SLC9B1: variants seen among roughly 807,000 people sequenced by gnomAD.
The protein encoded by SLC9B1 is solute carrier family 9 member B1, also known as sodium/hydrogen exchanger 9B1.
In SLC9B1, 32 loss-of-function variants were observed where a neutral mutation model predicts 51.7. That is an observed-to-expected ratio of 0.62 (90% confidence interval 0.47 to 0.83). The LOEUF (loss-of-function observed/expected upper bound fraction) is 0.83, where lower values mean the gene tolerates loss of function less well. SLC9B1 is among the 40% of genes least tolerant of loss of function. The pLI, the probability that SLC9B1 is intolerant of heterozygous loss-of-function variation, is 0.00. For synonymous variants in SLC9B1, 145 were observed against 212.7 expected (o/e 0.68, Z 2.77); for missense variants, 406 against 613.2 (o/e 0.66, Z 3.57).
chr4:102,924,631 TG>T (rs1322051297), intron 7 of SLC9B1, among the ~76,000 whole-genome samples: 1 of 152,160 alleles, frequency 6.6e-6, no homozygotes, highest in Non-Finnish European at 1.5e-5. Context: ...ACCTACAGAA[TG>T]GGAGAAAATT....
intron 3 of SLC9B1, among the ~76,000 whole-genome samples, chr4:102,965,654 A>G (rs906400436): frequency 2.6e-5 from 4 of 152,164 alleles, no homozygotes; most frequent in African/African-American, 7.2e-5. Context: ...CTTACACTAT[A>G]AAATGTAATT....
intron 6 of SLC9B1, among the ~76,000 whole-genome samples, chr4:102,934,499 T>A (rs1736617410): frequency 6.6e-6 from 1 of 151,992 alleles, no homozygotes; most frequent in South Asian, 2.1e-4. Context: ...GGAAAAGTAG[T>A]AATAAGAAAA....
At chr4:102,916,490 A>G (rs1484006411) in intron 7 of SLC9B1, among the ~76,000 whole-genome samples, 1 of 152,196 alleles carries the variant, frequency 6.6e-6, no homozygotes, top group Non-Finnish European at 1.5e-5. Context: ...AATAACAGAA[A>G]ACTTCAATAT....
chr4:102,885,675 C>T (rs565241786), intron 11 of SLC9B1, among the ~76,000 whole-genome samples: 6 of 152,236 alleles, frequency 3.9e-5, no homozygotes, highest in Admixed American at 3.3e-4. Flanking sequence ...TGTAGAGTAA[C>T]ATGTATTTTA....
intron 1 of SLC9B1, among the ~76,000 whole-genome samples, chr4:103,012,250 A>AT (rs1374993776): frequency 6.6e-6 from 1 of 152,230 alleles, no homozygotes; most frequent in Non-Finnish European, 1.5e-5. Context: ...TTCACAAAGC[A>AT]TTAGGACACA....
chr4:103,010,828 TA>T (rs969822653), intron 1 of SLC9B1, among the ~76,000 whole-genome samples: 2 of 152,228 alleles, frequency 1.3e-5, no homozygotes, highest in African/African-American at 2.4e-5. Flanking sequence ...CCCCAGCTCT[TA>T]ATACTGTTGC....
At chr4:102,968,699 C>A (rs1738565475) in intron 3 of SLC9B1, among the ~76,000 whole-genome samples, 1 of 152,188 alleles carries the variant, frequency 6.6e-6, no homozygotes, top group South Asian at 2.1e-4. Context: ...GTGCAGCCCA[C>A]AGAGGGTGAG....
chr4:102,950,819 C>T (rs559194208), intron 3 of SLC9B1, among the ~76,000 whole-genome samples: 132 of 152,160 alleles, frequency 8.7e-4, no homozygotes, highest in African/African-American at 3.0e-3. Flanking sequence ...CATGGTGAAA[C>T]GCTGTCTCTA....
chr4:102,902,595 A>T (rs1734842265), intron 11 of SLC9B1, among the ~76,000 whole-genome samples: 2 of 152,196 alleles, frequency 1.3e-5, no homozygotes, highest in South Asian at 4.1e-4. Context: ...TGAAACTAGA[A>T]ATAATATTTA....
At chr4:102,945,052 T>TAATCAACTGCTTTC (rs1327843155) in intron 6 of SLC9B1, 141 bp downstream of exon 6, 2 of 995,080 alleles carry the variant, frequency 2.0e-6, no homozygotes, top group African/African-American at 3.3e-5. Flanking sequence ...GCTCTGCTTT[T>TAATCAACTGCTTTC]AATCAACTGC....
chr4:102,949,565 T>G, intron 3 of SLC9B1, 138 bp from the exon 4 acceptor site: 9 of 528,308 alleles, frequency 1.7e-5, no homozygotes, highest in Non-Finnish European at 2.8e-5. Context: ...CATTGCTTAC[T>G]AGTTTGGTGA....
At chr4:102,967,524 A>G (rs1738494903) in intron 3 of SLC9B1, among the ~76,000 whole-genome samples, 1 of 152,204 alleles carries the variant, frequency 6.6e-6, no homozygotes, top group South Asian at 2.1e-4. Context: ...GTATCACAAT[A>G]TGGTAGAACA....
intron 3 of SLC9B1, among the ~76,000 whole-genome samples, chr4:102,978,353 G>T (rs60918511): frequency 0.13 from 20,423 of 152,084 alleles, 1,459 homozygotes; most frequent in Admixed American, 0.17. Flanking sequence ...CACAGCAAAA[G>T]AAACTACCAT....
chr4:102,998,610 T>G (rs964882217), intron 1 of SLC9B1, among the ~76,000 whole-genome samples: 1 of 151,838 alleles, frequency 6.6e-6, no homozygotes, highest in Non-Finnish European at 1.5e-5. Context: ...TATGGTTTTT[T>G]TTTTTTCACA....
intron 3 of SLC9B1, among the ~76,000 whole-genome samples, chr4:102,984,067 T>C (rs999363554): frequency 6.6e-6 from 1 of 152,042 alleles, no homozygotes; most frequent in Non-Finnish European, 1.5e-5. Flanking sequence ...ATCCCATAAA[T>C]TTTGATAAGT....
intron 3 of SLC9B1, among the ~76,000 whole-genome samples, chr4:102,986,692 GT>G (rs113502396): frequency 1.3e-5 from 2 of 151,912 alleles, no homozygotes; most frequent in South Asian, 2.1e-4. Flanking sequence ...TTGCTTTTCA[GT>G]TTTAGAAGTT....
chr4:103,014,019 T>C (rs1303171534), intron 1 of SLC9B1, among the ~76,000 whole-genome samples: 1 of 152,204 alleles, frequency 6.6e-6, no homozygotes, highest in Admixed American at 6.5e-5. Context: ...AGCTTGATTA[T>C]GGCAACAACC....
intron 3 of SLC9B1, among the ~76,000 whole-genome samples, chr4:102,981,459 C>G (rs1739352481): frequency 6.6e-6 from 1 of 152,136 alleles, no homozygotes. Context: ...ACAGTTTGTA[C>G]AACTCCCACC....
intron 7 of SLC9B1, among the ~76,000 whole-genome samples, chr4:102,919,849 G>C (rs181007669): frequency 4.6e-5 from 7 of 152,330 alleles, no homozygotes; most frequent in Admixed American, 4.6e-4. Context: ...CAGCCTGGCT[G>C]GGGGAGGGCC....
Sources: allele counts gnomAD v4.1 joint callset (sites outside exome capture counted in the v4.1 genomes callset), GRCh38; gene constraint gnomAD v4.1.1; transcripts MANE v1.5; gene names NCBI Gene and HGNC (gene_info 2026-07-23, HGNC 2026-07-21).